The following RBMS3 variants were observed in gnomAD, a reference collection of about 807,000 sequenced individuals.
RBMS3 encodes RNA binding motif single stranded interacting protein 3.
In RBMS3, 27 loss-of-function variants were observed where a neutral mutation model predicts 66.8. The ratio of observed to expected loss-of-function variants is 0.40; its 90% CI spans 0.30 to 0.56. The LOEUF is 0.56. Among genes scored for constraint, RBMS3 ranks in the 20% least tolerant of loss-of-function variants. The probability of loss-of-function intolerance (pLI) is 0.40; values close to 1 mark genes in which losing one functional copy is unlikely to be tolerated. For synonymous variants in RBMS3, 188 were observed against 183.0 expected (o/e 1.03, Z -0.22); for missense variants, 513 against 549.5 (o/e 0.93, Z 0.66).
At chr3:29,566,456 T>G (rs373967845) in intron 3 of RBMS3, among the ~76,000 whole-genome samples, 250 of 152,190 alleles carry the variant, frequency 1.6e-3, no homozygotes, top group Non-Finnish European at 2.4e-3. Context: ...TAGGTGATGT[T>G]GCCTGTCCTG....
chr3:29,438,940 A>G (rs1275089730), intron 2 of RBMS3, among the ~76,000 whole-genome samples: 1 of 152,246 alleles, frequency 6.6e-6, no homozygotes, highest in Admixed American at 6.5e-5. Flanking sequence ...GCACAAGATT[A>G]GACCTAGTTA....
intron 12 of RBMS3, among the ~76,000 whole-genome samples, chr3:29,962,464 A>G (rs1158664199): frequency 1.3e-5 from 2 of 151,558 alleles, no homozygotes; most frequent in African/African-American, 4.9e-5. Flanking sequence ...GGTGGGGTGT[A>G]TGGGTATGAA....
intron 14 of RBMS3, among the ~76,000 whole-genome samples, chr3:29,999,895 A>T (rs1320493391): frequency 6.6e-6 from 1 of 151,954 alleles, no homozygotes; most frequent in African/African-American, 2.4e-5. Context: ...GTACCCTAAA[A>T]CTTAAAGTAT....
At chr3:29,782,632 C>A (rs1289426648) in intron 6 of RBMS3, among the ~76,000 whole-genome samples, 2 of 152,130 alleles carry the variant, frequency 1.3e-5, no homozygotes, top group South Asian at 2.1e-4. Context: ...TTCTTTAACA[C>A]CCCCAAAAGA....
intron 1 of RBMS3, among the ~76,000 whole-genome samples, chr3:29,330,507 C>A (rs1043469508): frequency 7.1e-6 from 1 of 140,224 alleles, no homozygotes; most frequent in East Asian, 2.2e-4. Flanking sequence ...TCTGGAATAG[C>A]GGGATAGCTT....
intron 3 of RBMS3, among the ~76,000 whole-genome samples, chr3:29,506,431 C>G (rs966360590): frequency 6.6e-6 from 1 of 151,916 alleles, no homozygotes; most frequent in Non-Finnish European, 1.5e-5. Flanking sequence ...ATAAATTGCA[C>G]TTGATCATGG....
intron 3 of RBMS3, chr3:29,537,618 A>C (rs1390841770): frequency 6.6e-6 from 1 of 151,958 alleles, no homozygotes; most frequent in Non-Finnish European, 1.5e-5. Context: ...AGGTCAGGAG[A>C]CCGAGACCAT....
At chr3:29,311,273 A>G (rs1051804844) in intron 1 of RBMS3, among the ~76,000 whole-genome samples, 2 of 151,768 alleles carry the variant, frequency 1.3e-5, no homozygotes, top group African/African-American at 2.4e-5. Context: ...CCAGTTCTCT[A>G]ATATACCTCT....
rs577460156 is a variant in RBMS3, at chr3:29,770,624, C to T, written c.637+7635C>T. On this transcript the variant is annotated intron_variant, in intron 6 of 14. Coordinates refer to ENST00000383767, the MANE Select transcript of RBMS3 (RefSeq NM_001003793.3). ...AATACTGACTCCATTCAGGTCTGCA[C>T]GAATTTCTGGACTGAAAATTTCACA... Among the ~76,000 whole-genome samples, 18 of 152,018 alleles carry T rather than the reference C, an allele frequency of 1.2e-4. No individual in the cohort carries two copies. The South Asian group carries it at 3.1e-3, about 26-fold the overall frequency.
At chr3:29,760,786 C>T (rs979794475) in intron 5 of RBMS3, among the ~76,000 whole-genome samples, 2 of 152,062 alleles carry the variant, frequency 1.3e-5, no homozygotes, top group Admixed American at 6.5e-5. Flanking sequence ...AAAGATTCCG[C>T]TTGCCTTTCT....
At chr3:29,375,595 AT>A (rs1489764641) in intron 1 of RBMS3, among the ~76,000 whole-genome samples, 1 of 152,230 alleles carries the variant, frequency 6.6e-6, no homozygotes, top group Non-Finnish European at 1.5e-5. Context: ...CAACAAACAT[AT>A]GAAAAATGCT....
intron 4 of RBMS3, among the ~76,000 whole-genome samples, chr3:29,608,119 A>C (rs2149128692): frequency 6.6e-6 from 1 of 151,800 alleles, no homozygotes; most frequent in African/African-American, 2.4e-5. Context: ...TTATTTTATA[A>C]TATTTATAGA....
chr3:29,401,016 G>T (rs1166506421), intron 1 of RBMS3, among the ~76,000 whole-genome samples: 1 of 152,060 alleles, frequency 6.6e-6, no homozygotes. Context: ...AATCAATATT[G>T]CTGTGAACTT....
intron 1 of RBMS3, among the ~76,000 whole-genome samples, chr3:29,328,039 T>G (rs936837671): frequency 3.3e-5 from 5 of 152,182 alleles, no homozygotes; most frequent in Non-Finnish European, 7.4e-5. Flanking sequence ...TATTTAGCAT[T>G]TTGCCCACTT....
In RBMS3 at chr3:29,438,360, T is replaced by A. The variant is rs889736073; in HGVS notation, c.248+3445T>A. On this transcript the variant is annotated intron_variant, in intron 2 of 14. Coordinates refer to ENST00000383767, the MANE Select transcript of RBMS3 (RefSeq NM_001003793.3). ...CACAAAACAGCATATTGTCTTTTTTTAAAAAGGCATAGACATATTGGATTT... is the reference window on the plus strand; with the variant it reads ...CACAAAACAGCATATTGTCTTTTTTAAAAAAGGCATAGACATATTGGATTT... 5.9e-5 allele frequency among the ~76,000 whole-genome samples: 9 copies of A among 152,268 alleles called. 1 individual carries two copies. Among genetic ancestry groups the A allele is most frequent in the Middle Eastern group, 6.8e-3 (2 of 292 alleles).
intron 7 of RBMS3, among the ~76,000 whole-genome samples, chr3:29,871,204 C>T (rs1034662335): frequency 4.6e-5 from 7 of 152,118 alleles, no homozygotes; most frequent in African/African-American, 1.7e-4. Flanking sequence ...CACTTTAAAG[C>T]TTCTGAAATT....
chr3:29,424,866 C>T (rs1410668585), intron 1 of RBMS3, among the ~76,000 whole-genome samples: 1 of 152,056 alleles, frequency 6.6e-6, no homozygotes, highest in Non-Finnish European at 1.5e-5. Flanking sequence ...TATCTGAAGC[C>T]ATGACTTTCA....
chr3:29,796,406 G>A (rs2057188892), intron 6 of RBMS3, among the ~76,000 whole-genome samples: 1 of 152,074 alleles, frequency 6.6e-6, no homozygotes, highest in African/African-American at 2.4e-5. Context: ...TGGACATTTT[G>A]ATCTTCTCTC....
intron 1 of RBMS3, among the ~76,000 whole-genome samples, chr3:29,419,421 T>A (rs983512670): frequency 6.6e-6 from 1 of 152,190 alleles, no homozygotes; most frequent in African/African-American, 2.4e-5. Context: ...ATTTTACACA[T>A]GTTATAGTGT....
Sources: gnomAD v4.1 joint callset for allele counts (sites outside exome capture counted in the v4.1 genomes callset) on GRCh38, gnomAD v4.1.1 for gene constraint, MANE v1.5 for transcripts, NCBI Gene and HGNC (gene_info 2026-07-23, HGNC 2026-07-21) for gene names.